The following KHNYN variants were observed in gnomAD, a reference collection of about 807,000 sequenced individuals.
KHNYN encodes the protein KH and NYN domain containing.
Under a neutral mutation model 62.7 loss-of-function variants are expected in KHNYN, and 42 were observed. That is an observed-to-expected ratio of 0.67 (90% CI 0.52 to 0.87). KHNYN has a LOEUF of 0.87. KHNYN is among the 40% of genes least tolerant of loss of function. The pLI, the probability that KHNYN is intolerant of heterozygous loss-of-function variation, is 0.00. For synonymous variants in KHNYN, 347 were observed against 345.6 expected (o/e 1.00, Z -0.04); for missense variants, 829 against 874.1 (o/e 0.95, Z 0.65).
Position 24,432,128 on chromosome 14 carries a change from A to G in KHNYN, c.867A>G (p.Pro289=). 6.4e-7 allele frequency: 1 copy of G among 1,551,792 alleles called. No homozygotes were observed. Among genetic ancestry groups the G allele is most frequent in the Non-Finnish European group, 8.7e-7 (1 of 1,148,448 alleles). Residue 289 remains proline, a synonymous_variant, in exon 3 of 8, where the codon CCA becomes CCG. Coordinates refer to ENST00000553935, the MANE Select transcript of KHNYN (RefSeq NM_015299.3). The surrounding 1 kb of genome is among the most constrained non-coding windows in gnomAD (Gnocchi z 5.6). ...GGGAGAGAGAAGTGGCCCTCAGGCC[A>G]CAGTCAGTGGGTGGAGGGGCAAGGG... The part of the protein sequence containing the change: ...EAWEREVALR[P]QSVGGGARES...
At chr14:24,423,198 G>A in the KHNYN span, among the ~76,000 whole-genome samples, 1 of 152,278 alleles carries the variant, frequency 6.6e-6, no homozygotes, top group Non-Finnish European at 1.5e-5. Flanking sequence ...GAGGAGATGA[G>A]CTGACGCCAA....
chr14:24,428,613 G>A (rs2043049749), upstream of KHNYN: 11 of 1,093,040 alleles, frequency 1.0e-5, no homozygotes, highest in South Asian at 1.7e-4. Flanking sequence ...TCGGTGGGGT[G>A]GTGGGGCAAT....
upstream of KHNYN, among the ~76,000 whole-genome samples, chr14:24,424,813 T>G (rs1477161416): frequency 6.6e-6 from 1 of 152,258 alleles, no homozygotes; most frequent in Admixed American, 6.5e-5. Flanking sequence ...AAGGCTGCCC[T>G]GCTTATACTT....
chr14:24,435,687 A>T, intron 5 of KHNYN: 2 of 234,448 alleles, frequency 8.5e-6, no homozygotes, highest in South Asian at 6.5e-5. Flanking sequence ...GTGTTGGGTG[A>T]AGGACTATGG....
At chr14:24,428,321 G>A, upstream of KHNYN, 1 of 1,613,966 alleles carries the variant, frequency 6.2e-7, no homozygotes, top group Non-Finnish European at 8.5e-7. Context: ...TTCACCACAT[G>A]GAACCGGAAG....
Position 24,436,505 on chromosome 14 carries a change from G to GA in KHNYN, c.1787+17dup. The GA allele has an allele frequency of 1.3e-6, 2 of 1,591,540 alleles. No homozygotes were observed. The highest frequency in any genetic ancestry group is 1.7e-6 in the Non-Finnish European group (2 of 1,164,616). ...AGCCAGCCAGGTAATCAATCCCCTA[G>GA]ACTACTTACAGGCAGCCCCCACCCC... On this transcript the variant is annotated intron_variant, in intron 7 of 7. Coordinates refer to ENST00000553935, the MANE Select transcript of KHNYN (RefSeq NM_015299.3).
In KHNYN at chr14:24,440,453, A is replaced by G. The variant is rs376443762; in HGVS notation, c.*3168A>G. The G allele has an allele frequency of 2.2e-4, 350 of 1,610,356 alleles. No homozygotes were observed. Among genetic ancestry groups the G allele is most frequent in the Non-Finnish European group, 2.7e-4 (320 of 1,178,418 alleles). On this transcript the variant is annotated 3_prime_UTR_variant, in exon 8 of 8. Coordinates refer to ENST00000553935, the MANE Select transcript of KHNYN (RefSeq NM_015299.3). ...CAGGCCCAGGCGAAAGGGCAGCAGC[A>G]TGTGGCCCATGGCACCACCCCCACG...
chr14:24,434,364 C>T, intron 5 of KHNYN: 2 of 985,318 alleles, frequency 2.0e-6, no homozygotes, highest in Non-Finnish European at 2.4e-6. Flanking sequence ...ATATGCTTAA[C>T]TGGAAAATAC....
chr14:24,428,251 C>T (rs2043043286), upstream of KHNYN: 1 of 1,610,866 alleles, frequency 6.2e-7, no homozygotes. Context: ...TCCCCACCCT[C>T]CTGAGCCGGG....
intron 5 of KHNYN, 65 bp downstream of exon 5, chr14:24,433,097 GA>G: frequency 7.0e-7 from 1 of 1,428,118 alleles, no homozygotes; most frequent in South Asian, 1.1e-5. Flanking sequence ...CTGAGGGAGA[GA>G]GAAAAGCTCC....
At chr14:24,436,892 G>A (rs1363089880) in intron 7 of KHNYN, 144 bp from the exon 8 acceptor site, 1 of 1,061,396 alleles carries the variant, frequency 9.4e-7, no homozygotes, top group Non-Finnish European at 1.4e-6. Context: ...GGTTGATACT[G>A]CCACTCAGTG....
At chr14:24,424,475 G>A (rs899447279), upstream of KHNYN, among the ~76,000 whole-genome samples, 2 of 152,168 alleles carry the variant, frequency 1.3e-5, no homozygotes, top group Non-Finnish European at 2.9e-5. Context: ...AGATGTCCAT[G>A]CCTTAATCCC....
rs994581958 is a variant in KHNYN, at chr14:24,431,947, G to C, written c.686G>C (p.Ser229Thr). The change falls in exon 3 of 8, where the codon AGT (serine) becomes ACT (threonine). Residue 229 changes from serine (S) to threonine (T), a missense_variant. By Grantham distance (58) the Ser-to-Thr change is moderately conservative. This residue lies in a region of KHNYN where 559 missense variants were observed against 527.0 expected (regional missense o/e 1.06). Transcript: ENST00000553935. The stretch of plus-strand genomic sequence containing the variant: ...TGCCAAGGAGTGAGAGCTCCCCCTA[G>C]TGACGGCAGGGAGTCCCTGGACACT... The part of the protein sequence containing the change: ...AQCQGVRAPP[S>T]DGRESLDTGS... 2.1e-5 allele frequency: 34 copies of C among 1,613,512 alleles called. No individual in the cohort carries two copies. In the East Asian group the frequency reaches 7.6e-4, roughly 36 times the overall value.
chr14:24,440,956 G>T lies in KHNYN; in HGVS notation c.*3671G>T. The T allele has an allele frequency of 6.2e-7, 1 of 1,613,602 alleles. No individual in the cohort carries two copies. On this transcript the variant is annotated 3_prime_UTR_variant, in exon 8 of 8. Coordinates refer to ENST00000553935, the MANE Select transcript of KHNYN (RefSeq NM_015299.3). ...CGGTGGAACACAATCATTTGCCCTG[G>T]GTGTCCTTGGTCCTGCCTGGCTCTC...
intron 2 of KHNYN, 58 bp from the exon 3 acceptor site, chr14:24,431,405 G>A (rs1388437172): frequency 4.3e-6 from 6 of 1,400,122 alleles, no homozygotes; most frequent in East Asian, 2.3e-5. Context: ...AAGGAGCCAG[G>A]AGGGGTGATC....
upstream of KHNYN, chr14:24,429,443 G>A (rs896984949): frequency 2.0e-6 from 1 of 510,066 alleles, no homozygotes. Flanking sequence ...GAATGTGTGA[G>A]TGTGTGCATA....
At chr14:24,436,809 C>G (rs1164326098) in intron 7 of KHNYN, among the ~76,000 whole-genome samples, 3 of 152,192 alleles carry the variant, frequency 2.0e-5, no homozygotes, top group Non-Finnish European at 4.4e-5. Flanking sequence ...TCATTTAGGA[C>G]TAGAACTAGA....
chr14:24,436,580 T>C (rs1455016848), intron 7 of KHNYN, 91 bp downstream of exon 7: 2 of 919,832 alleles, frequency 2.2e-6, no homozygotes, highest in East Asian at 2.6e-5. Context: ...GTGACCTCAG[T>C]TTGGGCCAGC....
Position 24,430,202 on chromosome 14 carries a change from A to T in KHNYN, c.-18+83A>T, listed in dbSNP as rs917808183. 91 of 946,960 alleles carry T rather than the reference A, an allele frequency of 9.6e-5. 1 individual carries two copies. In the African/African-American group the frequency reaches 1.3e-3, roughly 13 times the overall value. 58.7% of individuals were successfully genotyped at this position (946,960 alleles called of 1,614,324 possible). A position where few individuals can be genotyped will look rare whatever the true frequency, so the allele number is the denominator to read the frequency against. On this transcript the variant is annotated intron_variant, in intron 1 of 7. Transcript: ENST00000553935. ...AGGCCCGGCCCGGGGTGGCTGCCCC[A>T]GTCCGCGGTGGGCGGGCCCGGCCCG...
Sources: allele counts gnomAD v4.1 joint callset (sites outside exome capture counted in the v4.1 genomes callset), GRCh38; gene constraint gnomAD v4.1.1; regional missense constraint gnomAD v4.1.1; non-coding constraint Gnocchi (gnomAD v3.1); transcripts MANE v1.5; gene names NCBI Gene and HGNC (gene_info 2026-07-23, HGNC 2026-07-21).